KPNA5: variants seen among roughly 807,000 people sequenced by gnomAD.
KPNA5 encodes the protein karyopherin subunit alpha 5.
KPNA5 carries 46 observed loss-of-function variants against 71.3 expected under a neutral mutation model. The ratio of observed to expected loss-of-function variants is 0.65; its 90% confidence interval spans 0.51 to 0.83. The LOEUF is 0.83. KPNA5 is among the 40% of genes least tolerant of loss of function. KPNA5 has a pLI of 0.00. For synonymous variants in KPNA5, 207 were observed against 201.4 expected (o/e 1.03, Z -0.24); for missense variants, 547 against 628.3 (o/e 0.87, Z 1.38).
intron 7 of KPNA5, among the ~76,000 whole-genome samples, chr6:116,710,889 ATATATTTTTTTTTTTTTTT>A (rs1176037010): frequency 2.8e-4 from 19 of 68,786 alleles, no homozygotes; most frequent in Non-Finnish European, 3.6e-4. Flanking sequence ...ATATATATAT[ATATATTTTTTTTTTTTTTT>A]TTTTGAGTTG....
intron 2 of KPNA5, among the ~76,000 whole-genome samples, chr6:116,690,021 G>A (rs9481657): frequency 0.28 from 42,476 of 152,142 alleles, 6,690 homozygotes; most frequent in African/African-American, 0.43. Flanking sequence ...TCTCACACAT[G>A]TGAATTAAAA....
intron 7 of KPNA5, among the ~76,000 whole-genome samples, chr6:116,712,877 G>A (rs1778753728): frequency 6.6e-6 from 1 of 151,496 alleles, no homozygotes; most frequent in Admixed American, 6.6e-5. Context: ...TGTACCCTAA[G>A]GAGTATAATT....
At chr6:116,724,267 T>C in intron 9 of KPNA5, 30 bp from the exon 10 acceptor site, 1 of 1,429,798 alleles carries the variant, frequency 7.0e-7, no homozygotes, top group Middle Eastern at 1.8e-4. Context: ...TTCTTACTAG[T>C]ATTTAGGTTC....
At chr6:116,698,388 A>G (rs1007698287) in intron 4 of KPNA5, among the ~76,000 whole-genome samples, 1 of 152,020 alleles carries the variant, frequency 6.6e-6, no homozygotes, top group African/African-American at 2.4e-5. Context: ...CTCAGTTGGT[A>G]TTTTGAGTTT....
chr6:116,719,532 A>G (rs989132571), intron 8 of KPNA5, among the ~76,000 whole-genome samples: 12 of 152,102 alleles, frequency 7.9e-5, no homozygotes, highest in African/African-American at 2.7e-4. Flanking sequence ...TGAGGTATAG[A>G]GTAGGTAACA....
intron 7 of KPNA5, among the ~76,000 whole-genome samples, chr6:116,711,270 T>C (rs571875180): frequency 7.0e-6 from 1 of 143,200 alleles, no homozygotes; most frequent in African/African-American, 2.6e-5. Flanking sequence ...TTTTTTTTTT[T>C]GGGTCAAAGA....
chr6:116,723,404 C>T (rs117920419), intron 9 of KPNA5, among the ~76,000 whole-genome samples: 35 of 152,152 alleles, frequency 2.3e-4, no homozygotes, highest in Middle Eastern at 3.4e-3. Flanking sequence ...AAGTTCAAAT[C>T]GAAGTTTCTA....
chr6:116,698,781 G>T lies in KPNA5; in HGVS notation c.418G>T (p.Glu140Ter). 3 of 1,585,960 alleles carry T rather than the reference G, an allele frequency of 1.9e-6. No individual in the cohort carries two copies. Among genetic ancestry groups the T allele is most frequent in the Non-Finnish European group, 2.6e-6 (3 of 1,161,332 alleles). ...QRFVKFLERN[E>*]NCTLQFEAAW... Reference sequence around the variant, plus strand: ...ATTTGTGAAATTTCTTGAAAGAAATGAAAATTGCACTTTACAAGTGAGTCT... The same window carrying T: ...ATTTGTGAAATTTCTTGAAAGAAATTAAAATTGCACTTTACAAGTGAGTCT... Residue 140 changes from glutamate to a stop codon, truncating the protein, a stop_gained, in exon 5 of 14, where the codon GAA (glutamate) becomes TAA (stop). Coordinates refer to ENST00000368564, the MANE Select transcript of KPNA5 (RefSeq NM_001366306.2). LOFTEE classifies it high-confidence loss of function.
chr6:116,732,106 A>AC (rs779834234), intron 13 of KPNA5, 30 bp from the exon 14 acceptor site: 1 of 162,846 alleles, frequency 6.1e-6, no homozygotes. Context: ...ATATATATAT[A>AC]TATATATATA....
rs902408526 is a variant in KPNA5, at chr6:116,705,086, T to A, written c.582T>A (p.Leu194=). ...TTTTTCCTAAGGCTGTTTGGGCACTTGGTAATATTGCTGGTGACAATGCAG... is the reference window on the plus strand; with the variant it reads ...TTTTTCCTAAGGCTGTTTGGGCACTAGGTAATATTGCTGGTGACAATGCAG... ...EDVQEQAVWA[L]GNIAGDNAEC... is the part of the protein sequence containing the mutation. The change falls in exon 7 of 14, where the codon CTT becomes CTA. Residue 194 remains leucine (L), a synonymous_variant. Transcript: ENST00000368564. 17 of 1,611,778 alleles carry A rather than the reference T, an allele frequency of 1.1e-5. No individual in the cohort carries two copies. Among genetic ancestry groups the A allele is most frequent in the Admixed American group, 3.3e-5 (2 of 59,882 alleles).
At chr6:116,721,723 GATTT>G (rs971021639) in intron 8 of KPNA5, among the ~76,000 whole-genome samples, 1 of 151,994 alleles carries the variant, frequency 6.6e-6, no homozygotes, top group African/African-American at 2.4e-5. Flanking sequence ...ATGATTATTA[GATTT>G]ATTTCCAGTT....
rs1554258547 is a variant in KPNA5, at chr6:116,732,074, T to TATATATA, written c.1433-62_1433-61insATATATA. On this transcript the variant is annotated intron_variant, in intron 13 of 13. Transcript: ENST00000368564. ...TACTGAAATTGTAGTAACAGTTTGT[T>TATATATA]TATATATATATATATATATATATAT... 3.2e-4 allele frequency: 22 copies of TATATATA among 67,756 alleles called. 2 individuals are homozygous for TATATATA. The highest frequency in any genetic ancestry group is 1.3e-3 in the South Asian group (4 of 3,078). The allele number at this position is 67,756 out of a possible 1,614,324, so 4.2% of individuals were successfully genotyped here.
chr6:116,685,933 T>C (rs1215012452), intron 1 of KPNA5, among the ~76,000 whole-genome samples: 1 of 152,160 alleles, frequency 6.6e-6, no homozygotes, highest in African/African-American at 2.4e-5. Context: ...TTTTGAGACA[T>C]GGTCTCACTG....
intron 11 of KPNA5, among the ~76,000 whole-genome samples, chr6:116,726,259 C>T (rs1339724244): frequency 2.6e-5 from 4 of 151,994 alleles, no homozygotes; most frequent in Non-Finnish European, 5.9e-5. Context: ...ATGGCTTGTG[C>T]TTTATCATCT....
chr6:116,684,366 C>T (rs980884582), intron 1 of KPNA5, among the ~76,000 whole-genome samples: 6 of 152,106 alleles, frequency 3.9e-5, no homozygotes, highest in Non-Finnish European at 7.4e-5. Flanking sequence ...CCTTGAGCTC[C>T]ACCAGTAGTG....
Position 116,738,973 on chromosome 6 carries a change from T to C in KPNA5, c.*6650T>C, listed in dbSNP as rs1331084982. 1 of 151,334 alleles carries C rather than the reference T, an allele frequency of 6.6e-6. No individual in the cohort carries two copies. The highest frequency in any genetic ancestry group is 1.5e-5 in the Non-Finnish European group (1 of 67,732). 9.4% of individuals were successfully genotyped at this position (151,334 alleles called of 1,614,324 possible). On this transcript the variant is annotated 3_prime_UTR_variant, in exon 14 of 14. Transcript: ENST00000368564. ...GGGATGCCCTCTCTCACCACTCCTA[T>C]TCAACATAGTGTTGGAAGTTCTGGC...
At chr6:116,692,963 C>G (rs897128203) in intron 4 of KPNA5, among the ~76,000 whole-genome samples, 2 of 152,108 alleles carry the variant, frequency 1.3e-5, no homozygotes, top group African/African-American at 4.8e-5. Context: ...TCAATTCCCA[C>G]CTATGAGTGA....
chr6:116,682,143 TACAA>T (rs1777385105), intron 1 of KPNA5, among the ~76,000 whole-genome samples: 1 of 151,066 alleles, frequency 6.6e-6, no homozygotes, highest in African/African-American at 2.4e-5. Context: ...AAATAATAAA[TACAA>T]AAAAAATACC....
Position 116,734,206 on chromosome 6 carries a change from G to C in KPNA5, c.*1883G>C, listed in dbSNP as rs907838281. ...GATGGTTCTAAGTATCAGGTGACAG[G>C]GTATTCTACTCTTTCTAGTCAATTA... On this transcript the variant is annotated 3_prime_UTR_variant, in exon 14 of 14. Coordinates refer to ENST00000368564, the MANE Select transcript of KPNA5 (RefSeq NM_001366306.2). 1 of 151,464 alleles carries C rather than the reference G, an allele frequency of 6.6e-6. No individual in the cohort carries two copies. Among genetic ancestry groups the C allele is most frequent in the Non-Finnish European group, 1.5e-5 (1 of 67,640 alleles). 9.4% of individuals were successfully genotyped at this position (151,464 alleles called of 1,614,324 possible).
Sources: gnomAD v4.1 joint callset for allele counts (sites outside exome capture counted in the v4.1 genomes callset) on GRCh38, gnomAD v4.1.1 for gene constraint, MANE v1.5 for transcripts, NCBI Gene and HGNC (gene_info 2026-07-23, HGNC 2026-07-21) for gene names.